Variants in FAM3D observed in about 807,000 individuals in gnomAD.
FAM3D encodes protein FAM3D.
In FAM3D, 26 loss-of-function variants were observed where a neutral mutation model predicts 29.8. That is an observed-to-expected ratio of 0.87 (90% CI 0.64 to 1.21). The LOEUF is 1.21. Ranked by LOEUF, FAM3D falls within the 50% of genes most tolerant of loss-of-function variation. The pLI is 0.00. For synonymous variants in FAM3D, 115 were observed against 102.3 expected, an observed-to-expected ratio of 1.12 and a Z score of -0.75; for missense variants, 253 against 290.9, an observed-to-expected ratio of 0.87 and a Z score of 0.95.
In FAM3D at chr3:58,634,172, T is replaced by TCC; in HGVS notation, c.*105_*106dup. Reference sequence around the variant, plus strand: ...CAGCGTGCAAGGACCTGCAGCACCTTCCACGCAGCACCCCCTGCTCCTCCT... The same window carrying TCC: ...CAGCGTGCAAGGACCTGCAGCACCTTCCCCACGCAGCACCCCCTGCTCCTCCT... On this transcript the variant is annotated 3_prime_UTR_variant, in exon 10 of 10. Coordinates refer to ENST00000358781, the MANE Select transcript of FAM3D (RefSeq NM_138805.3). The surrounding 1 kb of genome is among the most constrained non-coding windows in gnomAD (Gnocchi z 4.6). The TCC allele has an allele frequency of 1.0e-6, 1 of 991,320 alleles. No homozygotes were observed. Among genetic ancestry groups the TCC allele is most frequent in the South Asian group, 1.5e-5 (1 of 66,414 alleles). The allele number at this position is 991,320 out of a possible 1,614,324, so 61.4% of individuals were successfully genotyped here.
At chr3:58,656,434 C>G (rs1341209559) in intron 1 of FAM3D, among the ~76,000 whole-genome samples, 1 of 152,174 alleles carries the variant, frequency 6.6e-6, no homozygotes, top group Non-Finnish European at 1.5e-5. Context: ...GAATTTTTAT[C>G]TCAGAGGAGG....
chr3:58,645,211 G>A (rs2066440626), intron 5 of FAM3D, among the ~76,000 whole-genome samples: 1 of 152,172 alleles, frequency 6.6e-6, no homozygotes, highest in Admixed American at 6.5e-5. Flanking sequence ...CCTGCCACTG[G>A]GCAGGTGACC....
At chr3:58,662,686 A>C (rs142665181) in intron 1 of FAM3D, among the ~76,000 whole-genome samples, 11 of 152,232 alleles carry the variant, frequency 7.2e-5, no homozygotes, top group Non-Finnish European at 8.8e-5. Context: ...GGGGTGGTGG[A>C]CATCTGTTCC....
At chr3:58,646,039 A>C (rs2066470092) in intron 4 of FAM3D, among the ~76,000 whole-genome samples, 1 of 152,158 alleles carries the variant, frequency 6.6e-6, no homozygotes, top group Non-Finnish European at 1.5e-5. Flanking sequence ...GAGTGGGAGC[A>C]CTTCTGTCTA....
At chr3:58,659,423 C>G (rs778696028) in intron 1 of FAM3D, among the ~76,000 whole-genome samples, 13 of 152,216 alleles carry the variant, frequency 8.5e-5, no homozygotes, top group Non-Finnish European at 1.5e-4. Context: ...TCAACCATGA[C>G]CTGTCCCAGA....
chr3:58,656,631 T>G (rs2066809244), intron 1 of FAM3D, among the ~76,000 whole-genome samples: 1 of 152,030 alleles, frequency 6.6e-6, no homozygotes, highest in South Asian at 2.1e-4. Context: ...CCACACCAGC[T>G]CCAAGGCAGC....
intron 4 of FAM3D, 126 bp downstream of exon 4, chr3:58,649,189 G>T (rs994219981): frequency 8.4e-7 from 1 of 1,184,042 alleles, no homozygotes; most frequent in Non-Finnish European, 1.2e-6. Flanking sequence ...GAATCAGGAA[G>T]CCCAGGTTTC....
intron 8 of FAM3D, 46 bp downstream of exon 8, chr3:58,637,095 C>G: frequency 6.6e-7 from 1 of 1,522,374 alleles, no homozygotes; most frequent in Non-Finnish European, 9.1e-7. Context: ...TGAAGGTATT[C>G]AGTTTGCATC....
intron 3 of FAM3D, chr3:58,649,540 TACAC>T (rs571071387): frequency 1.1e-4 from 65 of 614,942 alleles, no homozygotes; most frequent in Non-Finnish European, 1.8e-4. Context: ...TACACATGTG[TACAC>T]ACACGCACAC....
In FAM3D at chr3:58,644,609, G is replaced by C. The variant is rs1246763015; in HGVS notation, c.264-889C>G. Among the ~76,000 whole-genome samples, 3 of 152,296 alleles carry C rather than the reference G, an allele frequency of 2.0e-5. No homozygotes were observed. The East Asian group carries it at 5.8e-4, about 29-fold the overall frequency. Reference sequence around the variant, plus strand: ...CGGACTAATACGCTGGGCTAGGCTTGGTCATGTGACCCAGGCCAATCAATG... The same window carrying C: ...CGGACTAATACGCTGGGCTAGGCTTCGTCATGTGACCCAGGCCAATCAATG... On this transcript the variant is annotated intron_variant, in intron 5 of 9. Coordinates refer to ENST00000358781, the MANE Select transcript of FAM3D (RefSeq NM_138805.3).
chr3:58,647,152 C>T (rs185842861), intron 4 of FAM3D, among the ~76,000 whole-genome samples: 138 of 152,352 alleles, frequency 9.1e-4, no homozygotes, highest in African/African-American at 3.2e-3. Flanking sequence ...AGGGCTCCCC[C>T]TCTCCTGGTT....
At chr3:58,658,835 T>C (rs1336763582) in intron 1 of FAM3D, among the ~76,000 whole-genome samples, 1 of 152,180 alleles carries the variant, frequency 6.6e-6, no homozygotes, top group African/African-American at 2.4e-5. Flanking sequence ...CTAGATGTGA[T>C]AAGTCTGGGG....
At chr3:58,655,454 G>A (rs2066766374) in intron 2 of FAM3D, 97 bp downstream of exon 2, 2 of 1,514,268 alleles carry the variant, frequency 1.3e-6, no homozygotes, top group Non-Finnish European at 1.8e-6. Context: ...ATTCGGGCCT[G>A]ACCATTTGAG....
Position 58,634,188 on chromosome 3 carries a change from T to A in FAM3D, c.*91A>T. 1 of 1,194,450 alleles carries A rather than the reference T, an allele frequency of 8.4e-7. No homozygotes were observed. The highest frequency in any genetic ancestry group is 1.2e-6 in the Non-Finnish European group (1 of 832,676). 74.0% of individuals were successfully genotyped at this position (1,194,450 alleles called of 1,614,324 possible). On this transcript the variant is annotated 3_prime_UTR_variant, in exon 10 of 10. Coordinates refer to ENST00000358781, the MANE Select transcript of FAM3D (RefSeq NM_138805.3). The surrounding 1 kb of genome is among the most constrained non-coding windows in gnomAD (Gnocchi z 4.6). ...GCAGCACCTTCCACGCAGCACCCCCTGCTCCTCCTCCTCAGCCCCTGCCGG... is the reference window on the plus strand; with the variant it reads ...GCAGCACCTTCCACGCAGCACCCCCAGCTCCTCCTCCTCAGCCCCTGCCGG...
chr3:58,634,452 C>T lies in FAM3D; in HGVS notation c.586-84G>A. On this transcript the variant is annotated intron_variant, in intron 9 of 9. Coordinates refer to ENST00000358781, the MANE Select transcript of FAM3D (RefSeq NM_138805.3). The surrounding 1 kb of genome is among the most constrained non-coding windows in gnomAD (Gnocchi z 4.6). ...CCCACATGGACACTGTGCTCTAAAC[C>T]TAAATGGGGGTGTGGGATGTTATTA... 8.1e-7 allele frequency: 1 copy of T among 1,237,390 alleles called. No individual in the cohort carries two copies. Among genetic ancestry groups the T allele is most frequent in the Non-Finnish European group, 1.2e-6 (1 of 865,602 alleles). The allele number at this position is 1,237,390 out of a possible 1,614,324, so 76.7% of individuals were successfully genotyped here.
At chr3:58,660,737 ACTC>A (rs781089724) in intron 1 of FAM3D, among the ~76,000 whole-genome samples, 2 of 152,104 alleles carry the variant, frequency 1.3e-5, no homozygotes, top group Non-Finnish European at 2.9e-5. Flanking sequence ...TAGGGTTTTT[ACTC>A]CTCAAGTTCC....
intron 1 of FAM3D, among the ~76,000 whole-genome samples, chr3:58,656,970 GT>G: frequency 6.6e-6 from 1 of 152,150 alleles, no homozygotes; most frequent in Non-Finnish European, 1.5e-5. Flanking sequence ...AATTGTAACA[GT>G]CCTCCCACCA....
At position 58,666,608 on chromosome 3, in the gene FAM3D, G is replaced by C. The variant is rs1421379574; in HGVS notation, c.-71C>G. On this transcript the variant is annotated 5_prime_UTR_variant, in exon 1 of 10. In the 5' UTR this introduces an upstream ATG that the reference lacks. Coordinates refer to ENST00000358781, the MANE Select transcript of FAM3D (RefSeq NM_138805.3). ...CTCGAGGCTCCCACTTCCCTGCTTC[G>C]ATGGAGAAGGCGAGGTGGTCCAGCA... 1 of 152,170 alleles carries C rather than the reference G, an allele frequency of 6.6e-6. No homozygotes were observed. Among genetic ancestry groups the C allele is most frequent in the Admixed American group, 6.5e-5 (1 of 15,280 alleles). 9.4% of individuals were successfully genotyped at this position (152,170 alleles called of 1,614,324 possible). A position where few individuals can be genotyped will look rare whatever the true frequency, so the allele number is the denominator to read the frequency against.
In FAM3D at chr3:58,661,669, T is replaced by C. The variant is rs150527624; in HGVS notation, c.-39+4907A>G. Among the ~76,000 whole-genome samples the C allele has an allele frequency of 5.0e-3, 764 of 152,292 alleles. 8 individuals carry two copies. The highest frequency in any genetic ancestry group is 0.017 in the African/African-American group (723 of 41,568). ...CCATCTAGGTCCTGTCATGGGAGCGTGGACACAGTCCTCTCTCGGCCTCAG... is the reference window on the plus strand; with the variant it reads ...CCATCTAGGTCCTGTCATGGGAGCGCGGACACAGTCCTCTCTCGGCCTCAG... On this transcript the variant is annotated intron_variant, in intron 1 of 9. Transcript: ENST00000358781.
Sources: allele counts gnomAD v4.1 joint callset (sites outside exome capture counted in the v4.1 genomes callset), GRCh38; gene constraint gnomAD v4.1.1; non-coding constraint Gnocchi (gnomAD v3.1); transcripts MANE v1.5; gene names NCBI Gene and HGNC (gene_info 2026-07-23, HGNC 2026-07-21).